Variants in CASP4 observed in about 807,000 individuals in gnomAD.
The protein encoded by CASP4 is caspase-4.
A neutral mutation model predicts 41.3 loss-of-function variants in CASP4; 29 were observed. That is an observed-to-expected ratio of 0.70 (90% CI 0.52 to 0.96). The LOEUF is 0.96. CASP4 is among the 40% of genes least tolerant of loss of function. The pLI is 0.00. For missense variants in CASP4, 447 were observed against 460.6 expected, an observed-to-expected ratio of 0.97 and a Z score of 0.27; for synonymous variants, 185 against 158.4, an observed-to-expected ratio of 1.17 and a Z score of -1.26.
intron 1 of CASP4, among the ~76,000 whole-genome samples, chr11:104,959,816 C>T (rs866796234): frequency 8.5e-5 from 13 of 152,160 alleles, no homozygotes; most frequent in African/African-American, 2.7e-4. Flanking sequence ...CACATTGCAT[C>T]GATTTTATTT....
At chr11:104,944,597 C>G in intron 8 of CASP4, 151 bp downstream of exon 8, 1 of 562,608 alleles carries the variant, frequency 1.8e-6, no homozygotes, top group Non-Finnish European at 3.2e-6. Flanking sequence ...ACATGTAAGT[C>G]GGAAAGAAGT....
intron 1 of CASP4, among the ~76,000 whole-genome samples, chr11:104,957,588 A>G (rs182573868): frequency 6.6e-6 from 1 of 152,268 alleles, no homozygotes; most frequent in Admixed American, 6.5e-5. Context: ...AACAGCAATA[A>G]TAACAAATCT....
chr11:104,957,075 G>C (rs1203224598), intron 1 of CASP4, among the ~76,000 whole-genome samples: 2 of 151,942 alleles, frequency 1.3e-5, no homozygotes, highest in Non-Finnish European at 2.9e-5. Context: ...CCAACAAAAA[G>C]AAATAAAAGG....
At chr11:104,944,692 A>C (rs1860410111) in intron 8 of CASP4, 56 bp downstream of exon 8, 1 of 1,127,370 alleles carries the variant, frequency 8.9e-7, no homozygotes, top group South Asian at 1.3e-5. Context: ...GAACTTAACC[A>C]CCAATATCAC....
At chr11:104,965,045 A>G (rs1204124025) in intron 1 of CASP4, among the ~76,000 whole-genome samples, 3 of 152,226 alleles carry the variant, frequency 2.0e-5, no homozygotes, top group Non-Finnish European at 2.9e-5. Flanking sequence ...GAGAAAAATT[A>G]TGCTTCAAAA....
At chr11:104,944,364 C>CTG (rs1429407036) in intron 8 of CASP4, 18 of 101,128 alleles carry the variant, frequency 1.8e-4, no homozygotes, top group South Asian at 1.7e-3. Flanking sequence ...CTCTCTCTCT[C>CTG]TCTCTGTGTG....
chr11:104,944,660 T>G (rs1242466837), intron 8 of CASP4, 88 bp downstream of exon 8: 1 of 820,794 alleles, frequency 1.2e-6, no homozygotes, highest in Non-Finnish European at 2.1e-6. Context: ...ACCATCCAAG[T>G]ACTCAGCTGT....
intron 8 of CASP4, chr11:104,944,366 C>CTGTGTGTGTGTGTGTGTGTG (rs751326691): frequency 9.4e-6 from 1 of 106,918 alleles, no homozygotes; most frequent in African/African-American, 3.1e-5. Flanking sequence ...CTCTCTCTCT[C>CTGTGTGTGTGTGTGTGTGTG]TCTGTGTGTG....
At chr11:104,967,863 A>G (rs1861010265) in intron 1 of CASP4, among the ~76,000 whole-genome samples, 1 of 152,202 alleles carries the variant, frequency 6.6e-6, no homozygotes, top group African/African-American at 2.4e-5. Flanking sequence ...AAGTAACTCT[A>G]TCCCTTAGGC....
intron 1 of CASP4, among the ~76,000 whole-genome samples, chr11:104,961,287 C>CT (rs1448818185): frequency 7.9e-5 from 12 of 152,352 alleles, no homozygotes; most frequent in Admixed American, 3.9e-4. Context: ...GGGTTTCCGT[C>CT]TGTAGCTGCA....
chr11:104,948,233 A>G, intron 6 of CASP4: 1 of 188,768 alleles, frequency 5.3e-6, no homozygotes, highest in Non-Finnish European at 1.1e-5. Flanking sequence ...CTTGAAGTTG[A>G]TCATTTGAGA....
Position 104,968,519 on chromosome 11 carries a change from C to T in CASP4, c.7G>A (p.Glu3Lys), listed in dbSNP as rs996417755. The change falls in exon 1 of 9, where the codon GAA (glutamate) becomes AAA (lysine). Residue 3 changes from glutamate (E) to lysine (K), a missense_variant and splice_region_variant. Physicochemically the swap from Glu to Lys is moderately conservative, Grantham distance 56. Coordinates refer to ENST00000444739, the MANE Select transcript of CASP4 (RefSeq NM_001225.4). MA[E>K]GNHRKKPLKV... is the part of the protein sequence containing the mutation. ...AACTCCTAGTCAGAAAAGGACTCAC[C>T]TGCCATAGGGAACAGCCTCTGTCCT... is the stretch of plus-strand genomic sequence containing the variant. The T allele has an allele frequency of 1.2e-6, 2 of 1,613,102 alleles. No individual in the cohort carries two copies. The highest frequency in any genetic ancestry group is 3.3e-5 in the Admixed American group (2 of 60,024).
chr11:104,962,615 G>T (rs761674494), intron 1 of CASP4, among the ~76,000 whole-genome samples: 4 of 152,266 alleles, frequency 2.6e-5, no homozygotes, highest in Non-Finnish European at 5.9e-5. Flanking sequence ...TCTCTGTCTT[G>T]TTTGGCCTCC....
At chr11:104,949,194 T>G (rs1417276127) in intron 5 of CASP4, 1 of 331,768 alleles carries the variant, frequency 3.0e-6, no homozygotes. Context: ...TCAAATGAAA[T>G]TCTTCTCAAA....
chr11:104,946,960 A>T (rs1194781700), intron 7 of CASP4, 123 bp downstream of exon 7: 1 of 669,364 alleles, frequency 1.5e-6, no homozygotes, highest in Non-Finnish European at 2.7e-6. Flanking sequence ...CAACTGAATG[A>T]CAGAAACTGG....
chr11:104,951,939 G>C lies in CASP4; in HGVS notation c.329C>G (p.Pro110Arg). The C allele has an allele frequency of 6.2e-7, 1 of 1,612,752 alleles. No individual in the cohort carries two copies. Among genetic ancestry groups the C allele is most frequent in the Non-Finnish European group, 8.5e-7 (1 of 1,179,248 alleles). Residue 110 changes from proline (P) to arginine (R), a missense_variant, in exon 3 of 9, where the codon CCT becomes CGT. By Grantham distance (103) the Pro-to-Arg change is moderately radical. Coordinates refer to ENST00000444739, the MANE Select transcript of CASP4 (RefSeq NM_001225.4). Reference protein sequence around the residue: ...GESTDALKLCPHEEFLRLCKE... With the variant: ...GESTDALKLCRHEEFLRLCKE... ...ACATAGTCTCAGGAATTCTTCATGA[G>C]GACAAAGCTTGAGGGCATCTGTAGA...
intron 1 of CASP4, among the ~76,000 whole-genome samples, chr11:104,955,991 T>C (rs757539726): frequency 6.1e-4 from 93 of 152,092 alleles, no homozygotes; most frequent in Non-Finnish European, 1.1e-3. Flanking sequence ...TGAATTAATA[T>C]TTTCATACGT....
rs1445532150 is a variant in CASP4, at chr11:104,948,653, T to C, written c.805A>G (p.Arg269Gly). The C allele has an allele frequency of 5.6e-6, 9 of 1,608,044 alleles. No homozygotes were observed. Among genetic ancestry groups the C allele is most frequent in the Non-Finnish European group, 7.7e-6 (9 of 1,176,096 alleles). Residue 269 changes from arginine (R) to glycine (G), a missense_variant, in exon 6 of 9, where the codon AGA becomes GGA. Arg to Gly is a moderately radical substitution (Grantham distance 125). Transcript: ENST00000444739. Reference sequence around the variant, plus strand: ...ACTTCCAAGGATGCTGGAGAGTCTCTGACCCACAGTTCCCCACGGTTTGCT... The same window carrying C: ...ACTTCCAAGGATGCTGGAGAGTCTCCGACCCACAGTTCCCCACGGTTTGCT... ...RGANRGELWVRDSPASLEVAS... is the reference protein window; with the variant it reads ...RGANRGELWVGDSPASLEVAS...
intron 7 of CASP4, among the ~76,000 whole-genome samples, chr11:104,945,535 C>T (rs564603864): frequency 3.3e-5 from 5 of 152,148 alleles, no homozygotes; most frequent in South Asian, 2.1e-4. Context: ...GGATTACAGG[C>T]GTGAGCCACC....
Sources: allele counts gnomAD v4.1 joint callset (sites outside exome capture counted in the v4.1 genomes callset), GRCh38; gene constraint gnomAD v4.1.1; transcripts MANE v1.5; gene names NCBI Gene and HGNC (gene_info 2026-07-23, HGNC 2026-07-21).